Variants in CDH12 observed in about 807,000 individuals in gnomAD.
CDH12 encodes the protein cadherin 12, also known as cadherin-12.
CDH12 carries 41 observed loss-of-function variants against 74.1 expected under a neutral mutation model. The ratio of observed to expected loss-of-function variants is 0.55; its 90% CI spans 0.43 to 0.72. The LOEUF (loss-of-function observed/expected upper bound fraction) is 0.72. CDH12 is among the 30% of genes least tolerant of loss of function. CDH12 has a pLI of 0.00. For synonymous variants in CDH12, 399 were observed against 355.0 expected, an observed-to-expected ratio of 1.12 and a Z score of -1.39; for missense variants, 945 against 977.2, an observed-to-expected ratio of 0.97 and a Z score of 0.44.
intron 1 of CDH12, among the ~76,000 whole-genome samples, chr5:22,660,524 G>C (rs1022927766): frequency 6.6e-6 from 1 of 151,920 alleles, no homozygotes; most frequent in African/African-American, 2.4e-5. Flanking sequence ...GGATCCTCTC[G>C]TCTCAGCCCC....
chr5:21,800,544 G>A (rs1341449925), intron 10 of CDH12, among the ~76,000 whole-genome samples: 1 of 152,130 alleles, frequency 6.6e-6, no homozygotes, highest in Admixed American at 6.5e-5. Context: ...CTGGAAACAA[G>A]GAGAAGATGA....
chr5:22,083,201 G>A (rs951445615), intron 4 of CDH12, among the ~76,000 whole-genome samples: 9 of 152,128 alleles, frequency 5.9e-5, no homozygotes, highest in Non-Finnish European at 4.4e-5. Context: ...CTCCTTGCAC[G>A]TATTAAAATC....
intron 1 of CDH12, among the ~76,000 whole-genome samples, chr5:22,772,421 G>A (rs751130020): frequency 2.0e-5 from 3 of 151,986 alleles, no homozygotes; most frequent in Non-Finnish European, 4.4e-5. Flanking sequence ...CAAAAGTGGA[G>A]TGAACTACCA....
At chr5:22,375,842 G>A (rs1741498849) in intron 3 of CDH12, among the ~76,000 whole-genome samples, 1 of 64,224 alleles carries the variant, frequency 1.6e-5, no homozygotes, top group Admixed American at 2.1e-4. Flanking sequence ...GGGGAGAAAA[G>A]GGAACTCATA....
intron 1 of CDH12, among the ~76,000 whole-genome samples, chr5:22,522,252 G>T (rs1250659982): frequency 1.3e-5 from 2 of 152,120 alleles, no homozygotes; most frequent in East Asian, 3.9e-4. Context: ...CACAAGAGTA[G>T]AAGTATGGAT....
At chr5:22,510,526 A>G (rs1736558031) in intron 1 of CDH12, among the ~76,000 whole-genome samples, 2 of 152,202 alleles carry the variant, frequency 1.3e-5, no homozygotes, top group Admixed American at 1.3e-4. Context: ...ATCAAAGTAC[A>G]GTCATCCTTA....
intron 6 of CDH12, among the ~76,000 whole-genome samples, chr5:21,885,559 C>A (rs2150038183): frequency 6.6e-6 from 1 of 152,242 alleles, no homozygotes; most frequent in Admixed American, 6.5e-5. Flanking sequence ...AGCCCATAAC[C>A]CAGATAATAT....
At chr5:21,934,577 C>T (rs917551236) in intron 6 of CDH12, among the ~76,000 whole-genome samples, 10 of 152,124 alleles carry the variant, frequency 6.6e-5, no homozygotes, top group Non-Finnish European at 1.2e-4. Flanking sequence ...GTCATATGCA[C>T]TTCCATACAT....
At chr5:22,635,160 G>C (rs1301028523) in intron 1 of CDH12, among the ~76,000 whole-genome samples, 1 of 151,974 alleles carries the variant, frequency 6.6e-6, no homozygotes, top group African/African-American at 2.4e-5. Flanking sequence ...AGAGAACAAA[G>C]GAATAAAATT....
intron 4 of CDH12, among the ~76,000 whole-genome samples, chr5:22,208,011 AT>A (rs1751314920): frequency 6.6e-6 from 1 of 152,146 alleles, no homozygotes; most frequent in African/African-American, 2.4e-5. Context: ...AGGTACTGTG[AT>A]TGGCTCAATT....
Position 21,907,823 on chromosome 5 carries a change from G to A in CDH12, c.527-53033C>T, listed in dbSNP as rs1472895487. Among the ~76,000 whole-genome samples the A allele has an allele frequency of 7.9e-5, 12 of 152,246 alleles. No individual in the cohort carries two copies. In the South Asian group the frequency reaches 1.2e-3, roughly 16 times the overall value. Reference sequence around the variant, plus strand: ...TATCTGCCCAGACTTGGTCTACCCCGATACACTGAATACGCAGAATGATGT... The same window carrying A: ...TATCTGCCCAGACTTGGTCTACCCCAATACACTGAATACGCAGAATGATGT... On this transcript the variant is annotated intron_variant, in intron 6 of 14. Transcript: ENST00000382254.
At chr5:21,931,340 A>G (rs959504449) in intron 6 of CDH12, among the ~76,000 whole-genome samples, 1 of 152,166 alleles carries the variant, frequency 6.6e-6, no homozygotes, top group Non-Finnish European at 1.5e-5. Context: ...GATTCATACC[A>G]TCTGGGGGTG....
chr5:21,928,525 T>C (rs1397822369), intron 6 of CDH12, among the ~76,000 whole-genome samples: 1 of 152,202 alleles, frequency 6.6e-6, no homozygotes, highest in Non-Finnish European at 1.5e-5. Context: ...CTCTAGACAA[T>C]GTCAGGAGTT....
intron 1 of CDH12, among the ~76,000 whole-genome samples, chr5:22,519,587 C>A: frequency 6.6e-6 from 1 of 151,948 alleles, no homozygotes; most frequent in Non-Finnish European, 1.5e-5. Context: ...CCACACCCGG[C>A]TAATTTTTTG....
At chr5:22,378,124 C>G (rs1741615100) in intron 3 of CDH12, among the ~76,000 whole-genome samples, 1 of 151,802 alleles carries the variant, frequency 6.6e-6, no homozygotes, top group Non-Finnish European at 1.5e-5. Context: ...GGTCCTGAAC[C>G]CAAACATACC....
chr5:22,139,749 C>T (rs1292684981), intron 4 of CDH12: 5 of 151,710 alleles, frequency 3.3e-5, no homozygotes, highest in African/African-American at 9.7e-5. Flanking sequence ...TAAAAGTATC[C>T]AACTTCCCTA....
At chr5:22,409,095 G>C (rs1048482303) in intron 2 of CDH12, among the ~76,000 whole-genome samples, 1 of 151,970 alleles carries the variant, frequency 6.6e-6, no homozygotes, top group African/African-American at 2.4e-5. Flanking sequence ...AATATTTAAA[G>C]GTATCTTTTG....
At chr5:22,571,498 G>T (rs1739537630) in intron 1 of CDH12, among the ~76,000 whole-genome samples, 1 of 152,070 alleles carries the variant, frequency 6.6e-6, no homozygotes, top group Admixed American at 6.5e-5. Flanking sequence ...GACTAATTTT[G>T]TATTTTTGGT....
At chr5:21,883,288 A>T in intron 6 of CDH12, 2 of 1,448,852 alleles carry the variant, frequency 1.4e-6, no homozygotes, top group Middle Eastern at 3.5e-4. Context: ...AATACATCAA[A>T]AGGTCAGAAA....
Sources: gnomAD v4.1 joint callset for allele counts (sites outside exome capture counted in the v4.1 genomes callset) on GRCh38, gnomAD v4.1.1 for gene constraint, MANE v1.5 for transcripts, NCBI Gene and HGNC (gene_info 2026-07-23, HGNC 2026-07-21) for gene names.